The following ERCC6L2 variants were observed in gnomAD, a reference collection of about 807,000 sequenced individuals.
ERCC6L2 encodes the protein DNA excision repair protein ERCC-6-like 2.
In ERCC6L2, 77 loss-of-function variants were observed where a neutral mutation model predicts 132.0. That is an observed-to-expected ratio of 0.58 (90% CI 0.49 to 0.71). ERCC6L2 has a LOEUF of 0.71. Among genes scored for constraint, ERCC6L2 ranks in the 30% least tolerant of loss-of-function variants. The pLI, the probability that ERCC6L2 is intolerant of heterozygous loss-of-function variation, is 0.00. For synonymous variants in ERCC6L2, 583 were observed against 632.4 expected, an observed-to-expected ratio of 0.92 and a Z score of 1.17; for missense variants, 1,542 against 1,837.6, an observed-to-expected ratio of 0.84 and a Z score of 2.94.
intron 17 of ERCC6L2, among the ~76,000 whole-genome samples, chr9:95,987,723 C>T (rs1425688378): frequency 6.6e-6 from 1 of 152,184 alleles, no homozygotes; most frequent in African/African-American, 2.4e-5. Flanking sequence ...TATGGTGGCC[C>T]TCTTCTCACA....
intron 17 of ERCC6L2, among the ~76,000 whole-genome samples, chr9:95,993,508 G>A (rs1013905638): frequency 6.6e-6 from 1 of 152,148 alleles, no homozygotes; most frequent in Non-Finnish European, 1.5e-5. Flanking sequence ...TCTGTCTGTA[G>A]CACATGGCAT....
At chr9:95,910,380 G>A (rs769846395) in intron 4 of ERCC6L2, among the ~76,000 whole-genome samples, 11 of 152,138 alleles carry the variant, frequency 7.2e-5, no homozygotes, top group South Asian at 4.2e-4. Flanking sequence ...TATGAGCATA[G>A]CCATATTGTG....
chr9:95,884,156 G>A (rs566202627), intron 2 of ERCC6L2, among the ~76,000 whole-genome samples: 1 of 152,300 alleles, frequency 6.6e-6, no homozygotes, highest in South Asian at 2.1e-4. Context: ...TGCTGTGCAA[G>A]TCTTTGAGGG....
chr9:95,987,391 C>T (rs1200218935), intron 17 of ERCC6L2, among the ~76,000 whole-genome samples: 2 of 152,158 alleles, frequency 1.3e-5, no homozygotes, highest in African/African-American at 4.8e-5. Flanking sequence ...AATGGACGTA[C>T]AGGAATTGGA....
intron 17 of ERCC6L2, among the ~76,000 whole-genome samples, chr9:95,984,499 CAA>C (rs1833019620): frequency 6.6e-6 from 1 of 152,020 alleles, no homozygotes. Flanking sequence ...CTCTCTTCCA[CAA>C]AGTCTGCCCT....
intron 3 of ERCC6L2, among the ~76,000 whole-genome samples, chr9:95,899,590 T>TTATATATATATATATATATATATATA (rs150595611): frequency 2.2e-5 from 3 of 138,398 alleles, no homozygotes; most frequent in African/African-American, 8.4e-5. Flanking sequence ...TTTTTTCTCT[T>TTATATATATATATATATATATATATA]TATATATATA....
intron 12 of ERCC6L2, among the ~76,000 whole-genome samples, chr9:95,942,468 C>A (rs1830851087): frequency 6.7e-6 from 1 of 149,428 alleles, no homozygotes; most frequent in African/African-American, 2.5e-5. Flanking sequence ...AAACTATTGC[C>A]AAAATAAAGT....
At position 95,926,320 on chromosome 9, in the gene ERCC6L2, C is replaced by T. The variant is rs573218529; in HGVS notation, c.1534-1759C>T. 7.2e-5 allele frequency among the ~76,000 whole-genome samples: 11 copies of T among 152,260 alleles called. No homozygotes were observed. The South Asian group carries it at 1.2e-3, about 17-fold the overall frequency. On this transcript the variant is annotated intron_variant, in intron 9 of 18. Transcript: ENST00000653738. ...TGAGTTTTAATGAGTTAGAAACTTA[C>T]ATCCCGACAAGAACCTATGAGTTTA...
chr9:96,002,025 C>T (rs1466347844), intron 17 of ERCC6L2, among the ~76,000 whole-genome samples: 3 of 152,254 alleles, frequency 2.0e-5, no homozygotes, highest in Non-Finnish European at 4.4e-5. Flanking sequence ...GCGGGGCGCA[C>T]CAAGCCCACG....
In ERCC6L2 at chr9:96,012,420, G is replaced by T; in HGVS notation, c.3870G>T (p.Glu1290Asp). 1 of 1,363,980 alleles carries T rather than the reference G, an allele frequency of 7.3e-7. No individual in the cohort carries two copies. The highest frequency in any genetic ancestry group is 9.8e-7 in the Non-Finnish European group (1 of 1,019,202). 84.5% of individuals were successfully genotyped at this position (1,363,980 alleles called of 1,614,324 possible). A position where few individuals can be genotyped will look rare whatever the true frequency, so the allele number is the denominator to read the frequency against. The change falls in exon 19 of 19, where the codon GAG (glutamate) becomes GAT (aspartate). Residue 1290 changes from glutamate to aspartate, a missense_variant. Transcript: ENST00000653738. ...QFNNSSFEKG[E>D]QRTRKKSDKR... ...ACAATTCTTCCTTTGAGAAAGGAGA[G>T]CAGCGCACCCGGAAGAAATCTGATA...
chr9:96,012,361 A>G lies in ERCC6L2; in HGVS notation c.3811A>G (p.Lys1271Glu), dbSNP rs1024514911. 7.3e-7 allele frequency: 1 copy of G among 1,362,754 alleles called. No individual in the cohort carries two copies. The highest frequency in any genetic ancestry group is 1.1e-5 in the South Asian group (1 of 87,376). The allele number at this position is 1,362,754 out of a possible 1,614,324, so 84.4% of individuals were successfully genotyped here. ...DFYASQYPEV[K>E]EFFVDSVSQF... ...TTATGCTTCTCAATATCCAGAGGTAAAAGAATTTTTTGTGGATTCTGTGTC... is the reference window on the plus strand; with the variant it reads ...TTATGCTTCTCAATATCCAGAGGTAGAAGAATTTTTTGTGGATTCTGTGTC... Residue 1271 changes from lysine to glutamate, a missense_variant, in exon 19 of 19, where the codon AAA becomes GAA. Lys to Glu is a moderately conservative substitution (Grantham distance 56). This residue lies in a region of ERCC6L2 where 442 missense variants were observed against 583.4 expected (regional missense o/e 0.76). Coordinates refer to ENST00000653738, the MANE Select transcript of ERCC6L2 (RefSeq NM_020207.7).
Position 95,973,092 on chromosome 9 carries a change from A to G in ERCC6L2, c.3337+4A>G, listed in dbSNP as rs1016538367. On this transcript the variant is annotated splice_donor_region_variant and intron_variant, in intron 16 of 18. Transcript: ENST00000653738. ...GAATCAATGGATAAATTTTTAGGTAACTAAAGACACATTCTCAAAACTTTA... is the reference window on the plus strand; with the variant it reads ...GAATCAATGGATAAATTTTTAGGTAGCTAAAGACACATTCTCAAAACTTTA... The G allele has an allele frequency of 7.6e-7, 1 of 1,313,724 alleles. No individual in the cohort carries two copies. The highest frequency in any genetic ancestry group is 2.4e-5 in the Admixed American group (1 of 41,902). The allele number at this position is 1,313,724 out of a possible 1,614,324, so 81.4% of individuals were successfully genotyped here. A position where few individuals can be genotyped will look rare whatever the true frequency, so the allele number is the denominator to read the frequency against.
At chr9:95,886,122 C>G (rs1026457409) in intron 2 of ERCC6L2, among the ~76,000 whole-genome samples, 1 of 152,078 alleles carries the variant, frequency 6.6e-6, no homozygotes, top group Non-Finnish European at 1.5e-5. Flanking sequence ...CCCAAGCGAT[C>G]TTCCCACCTC....
In ERCC6L2 at chr9:95,927,239, C is replaced by T. The variant is rs1413623857; in HGVS notation, c.1534-840C>T. Among the ~76,000 whole-genome samples the T allele has an allele frequency of 2.0e-5, 3 of 152,042 alleles. No individual in the cohort carries two copies. The East Asian group carries it at 5.8e-4, about 29-fold the overall frequency. On this transcript the variant is annotated intron_variant, in intron 9 of 18. Transcript: ENST00000653738. ...GAGGTCAAAGTTAGCACAATAGCTT[C>T]TCTTGATTGAGTAAGTGTTATATTG...
At chr9:95,983,820 A>T (rs666093) in intron 17 of ERCC6L2, among the ~76,000 whole-genome samples, 49,320 of 152,090 alleles carry the variant, frequency 0.32, 8,105 homozygotes, top group East Asian at 0.4. Flanking sequence ...AAATAAGAGG[A>T]TAAGTAACTC....
At chr9:95,914,511 G>A (rs769502427) in intron 4 of ERCC6L2, among the ~76,000 whole-genome samples, 2 of 151,976 alleles carry the variant, frequency 1.3e-5, no homozygotes, top group Admixed American at 6.6e-5. Context: ...ACGCCACCGC[G>A]CCCAGCTAAT....
intron 9 of ERCC6L2, among the ~76,000 whole-genome samples, chr9:95,924,080 A>G (rs1461564004): frequency 6.6e-6 from 1 of 152,214 alleles, no homozygotes; most frequent in Non-Finnish European, 1.5e-5. Flanking sequence ...TCTATCAAGA[A>G]TCTTTATTTG....
In ERCC6L2 at chr9:95,875,787, C is replaced by T; in HGVS notation, c.-252C>T. The T allele has an allele frequency of 3.5e-6, 2 of 563,948 alleles. No individual in the cohort carries two copies. Among genetic ancestry groups the T allele is most frequent in the Non-Finnish European group, 6.4e-6 (2 of 313,096 alleles). The allele number at this position is 563,948 out of a possible 1,614,324, so 34.9% of individuals were successfully genotyped here. On this transcript the variant is annotated 5_prime_UTR_variant, in exon 1 of 19. Transcript: ENST00000653738. ...AACTAGGTGAACACCGCTTTGCCAG[C>T]CTCACACAGCGTCCCCTGGCTCTGC...
intron 17 of ERCC6L2, among the ~76,000 whole-genome samples, chr9:95,992,613 A>C (rs1411532016): frequency 6.6e-6 from 1 of 152,224 alleles, no homozygotes; most frequent in Non-Finnish European, 1.5e-5. Flanking sequence ...AAATAATTAC[A>C]TCAAATCTCA....
Sources: allele counts gnomAD v4.1 joint callset (sites outside exome capture counted in the v4.1 genomes callset), GRCh38; gene constraint gnomAD v4.1.1; regional missense constraint gnomAD v4.1.1; transcripts MANE v1.5; gene names NCBI Gene and HGNC (gene_info 2026-07-23, HGNC 2026-07-21).